DGKB: variants seen among roughly 807,000 people sequenced by gnomAD.
The protein encoded by DGKB is 90 kDa diacylglycerol kinase.
A neutral mutation model predicts 114.3 loss-of-function variants in DGKB; 67 were observed. That is an observed-to-expected ratio of 0.59 (90% CI 0.48 to 0.72). DGKB has a LOEUF of 0.72. Among genes scored for constraint, DGKB ranks in the 30% least tolerant of loss-of-function variants. The pLI, the probability that DGKB is intolerant of heterozygous loss-of-function variation, is 0.00. For missense variants in DGKB, 907 were observed against 975.2 expected, an observed-to-expected ratio of 0.93 and a Z score of 0.93; for synonymous variants, 398 against 323.1, an observed-to-expected ratio of 1.23 and a Z score of -2.49.
Position 14,191,648 on chromosome 7 carries a change from C to G in DGKB, c.2123-13497G>C, listed in dbSNP as rs17167949. ...AACTGAAGAAAAGTCTGTTGAAATG[C>G]ACCATGAGGCTTTGAGCGAAACTCT... On this transcript the variant is annotated intron_variant, in intron 23 of 25. Transcript: ENST00000402815. The G allele has an allele frequency of 1.2e-3, 359 of 293,484 alleles. 2 individuals are homozygous for G. Among genetic ancestry groups the G allele is most frequent in the African/African-American group, 7.8e-3 (348 of 44,628 alleles). The allele number at this position is 293,484 out of a possible 1,614,324, so 18.2% of individuals were successfully genotyped here.
chr7:14,631,656 C>A (rs1456902757), intron 13 of DGKB, among the ~76,000 whole-genome samples: 1 of 151,966 alleles, frequency 6.6e-6, no homozygotes, highest in African/African-American at 2.4e-5. Flanking sequence ...CAGTAACATT[C>A]TTGACTTCTG....
intron 21 of DGKB, among the ~76,000 whole-genome samples, chr7:14,419,820 A>G (rs1204423768): frequency 6.6e-6 from 1 of 152,056 alleles, no homozygotes; most frequent in African/African-American, 2.4e-5. Flanking sequence ...GGCTTGTTTC[A>G]TGAAGATAAG....
intron 23 of DGKB, among the ~76,000 whole-genome samples, chr7:14,237,767 T>G (rs1345756137): frequency 6.6e-6 from 1 of 152,024 alleles, no homozygotes; most frequent in Non-Finnish European, 1.5e-5. Context: ...ATCATCTTTT[T>G]TAATTTGCCT....
intron 23 of DGKB, among the ~76,000 whole-genome samples, chr7:14,206,460 C>T (rs938219167): frequency 1.3e-5 from 2 of 151,984 alleles, no homozygotes. Context: ...ACCTAGAAAC[C>T]GTTCAGTATG....
chr7:14,700,246 C>G (rs554810238), intron 7 of DGKB, among the ~76,000 whole-genome samples: 1 of 142,908 alleles, frequency 7.0e-6, no homozygotes, highest in Non-Finnish European at 1.5e-5. Context: ...TGGAGTCTTG[C>G]TCTCTCGCCC....
chr7:14,458,898 G>T (rs998886517), intron 21 of DGKB, among the ~76,000 whole-genome samples: 1 of 152,282 alleles, frequency 6.6e-6, no homozygotes, highest in Non-Finnish European at 1.5e-5. Context: ...GGAGCCAAGT[G>T]GTTTAGCTCA....
At chr7:14,906,580 A>C (rs541279283), upstream of DGKB, among the ~76,000 whole-genome samples, 18 of 151,290 alleles carry the variant, frequency 1.2e-4, 1 homozygote, top group South Asian at 2.9e-3. Context: ...CAGCCTCCCA[A>C]ATAACTGGGA....
chr7:14,682,628 C>T lies in DGKB; in HGVS notation c.960G>A (p.Lys320=). The part of the protein sequence containing the change: ...HYWVEGNCPT[K]CDKCHKTVKC... Reference sequence around the variant, plus strand: ...TAACAGTTTTGTGGCACTTATCACACTTGGTTGGGCAGTTACCTTCAACCC... The same window carrying T: ...TAACAGTTTTGTGGCACTTATCACATTTGGTTGGGCAGTTACCTTCAACCC... Residue 320 remains lysine, a synonymous_variant, in exon 12 of 26, where the codon AAG becomes AAA. Coordinates refer to ENST00000402815, the MANE Select transcript of DGKB (RefSeq NM_001350709.2). The T allele has an allele frequency of 6.2e-7, 1 of 1,613,610 alleles. No homozygotes were observed.
At chr7:14,779,273 T>C (rs1250755619) in intron 2 of DGKB, among the ~76,000 whole-genome samples, 3 of 152,190 alleles carry the variant, frequency 2.0e-5, no homozygotes, top group East Asian at 3.9e-4. Flanking sequence ...GTGGGGTTCA[T>C]GCCTGTAATC....
intron 5 of DGKB, among the ~76,000 whole-genome samples, chr7:14,720,824 G>A (rs796375107): frequency 1.3e-4 from 20 of 150,264 alleles, no homozygotes; most frequent in African/African-American, 4.9e-4. Context: ...AAAGAAGGCA[G>A]GGAATTGAAG....
At position 14,698,158 on chromosome 7, in the gene DGKB, AT is replaced by A; in HGVS notation, c.527del (p.Asn176IlefsTer6). On this transcript the variant is annotated frameshift_variant, in exon 8 of 26. Coordinates refer to ENST00000402815, the MANE Select transcript of DGKB (RefSeq NM_001350709.2). LOFTEE classifies it high-confidence loss of function. ...CAACATGCATCATCTGACTGATGAT[AT>A]TTTCTAGCTCCTGGAAGAGAAAGAG... ...NGFLDSSELE[N>X]IISQMMHVAE... The A allele has an allele frequency of 6.6e-7, 1 of 1,526,602 alleles. No individual in the cohort carries two copies. The highest frequency in any genetic ancestry group is 8.8e-7 in the Non-Finnish European group (1 of 1,138,186). 94.6% of individuals were successfully genotyped at this position (1,526,602 alleles called of 1,614,324 possible).
chr7:14,176,873 A>G lies in DGKB; in HGVS notation c.2270T>C (p.Ile757Thr). ...IRTSKSLPMQ[I>T]DGEPWMQTPC... ...GGTCTGCATCCATGGCTCCCCATCAATTTGCATTGGCAGAGACTTGCTCGT... is the reference window on the plus strand; with the variant it reads ...GGTCTGCATCCATGGCTCCCCATCAGTTTGCATTGGCAGAGACTTGCTCGT... Residue 757 changes from isoleucine to threonine, a missense_variant, in exon 25 of 26, where the codon ATT becomes ACT. By Grantham distance (89) the Ile-to-Thr change is moderately conservative (BLOSUM62 -1). Around this residue, in one of 3 missense-constraint regions of DGKB, gnomAD observed 35 missense variants for 66.0 expected, o/e 0.53. Coordinates refer to ENST00000402815, the MANE Select transcript of DGKB (RefSeq NM_001350709.2). The G allele has an allele frequency of 1.9e-6, 3 of 1,613,856 alleles. No homozygotes were observed. The highest frequency in any genetic ancestry group is 1.7e-5 in the Admixed American group (1 of 60,026).
chr7:14,527,884 G>A (rs1790896097), intron 20 of DGKB, among the ~76,000 whole-genome samples: 2 of 151,798 alleles, frequency 1.3e-5, no homozygotes, highest in East Asian at 1.9e-4. Flanking sequence ...AAAAGAAAAC[G>A]CGCTAACTAT....
At chr7:14,602,474 G>A (rs1803728853) in intron 17 of DGKB, among the ~76,000 whole-genome samples, 2 of 152,160 alleles carry the variant, frequency 1.3e-5, no homozygotes. Context: ...ATAGTATTGG[G>A]AGGTGGGGTA....
intron 22 of DGKB, among the ~76,000 whole-genome samples, chr7:14,342,558 C>T (rs1337721893): frequency 6.6e-6 from 1 of 151,832 alleles, no homozygotes; most frequent in Admixed American, 6.6e-5. Context: ...TAAATCTTTA[C>T]ATGTATGTGT....
At chr7:14,260,083 T>C (rs1796529591) in intron 23 of DGKB, among the ~76,000 whole-genome samples, 1 of 34,214 alleles carries the variant, frequency 2.9e-5, no homozygotes, top group African/African-American at 9.1e-5. Flanking sequence ...TCCCTACATA[T>C]GTGTACACAC....
intron 21 of DGKB, among the ~76,000 whole-genome samples, chr7:14,421,838 G>T (rs748544771): frequency 3.6e-4 from 54 of 151,944 alleles, no homozygotes; most frequent in Non-Finnish European, 6.3e-4. Flanking sequence ...AAATGTAACT[G>T]CTGTTACTAT....
intron 12 of DGKB, among the ~76,000 whole-genome samples, chr7:14,678,560 G>A (rs1386189119): frequency 6.6e-6 from 1 of 151,940 alleles, no homozygotes; most frequent in Non-Finnish European, 1.5e-5. Context: ...ATTATATACA[G>A]TTATGTTTAG....
At chr7:14,460,307 T>C (rs1467092644) in intron 21 of DGKB, among the ~76,000 whole-genome samples, 3 of 151,342 alleles carry the variant, frequency 2.0e-5, no homozygotes, top group African/African-American at 7.3e-5. Flanking sequence ...GGCTGGCAAA[T>C]TGGATAAAGA....
Sources: gnomAD v4.1 joint callset for allele counts (sites outside exome capture counted in the v4.1 genomes callset) on GRCh38, gnomAD v4.1.1 for gene constraint, gnomAD v4.1.1 regional missense constraint, MANE v1.5 for transcripts, NCBI Gene and HGNC (gene_info 2026-07-23, HGNC 2026-07-21) for gene names.